Variants in CNTNAP2 observed in about 807,000 individuals in gnomAD.
CNTNAP2 encodes the protein contactin-associated protein-like 2.
In CNTNAP2, 98 loss-of-function variants were observed where a neutral mutation model predicts 155.2. The ratio of observed to expected loss-of-function variants is 0.63; its 90% CI spans 0.54 to 0.75. The LOEUF (loss-of-function observed/expected upper bound fraction) is 0.75, where lower values mean the gene tolerates loss of function less well. Ranked by LOEUF, CNTNAP2 falls within the 30% of genes least tolerant of loss-of-function variation. CNTNAP2 has a pLI of 0.00. For missense variants in CNTNAP2, 1,727 were observed against 1,688.1 expected (o/e 1.02, Z -0.40); for synonymous variants, 651 against 631.2 (o/e 1.03, Z -0.47).
chr7:146,239,919 T>A (rs1799532213), intron 1 of CNTNAP2, among the ~76,000 whole-genome samples: 1 of 152,182 alleles, frequency 6.6e-6, no homozygotes. Flanking sequence ...GGAAATAAAA[T>A]TTTAAAAACT....
At chr7:147,508,245 T>C (rs1584779368) in intron 11 of CNTNAP2, among the ~76,000 whole-genome samples, 2 of 152,094 alleles carry the variant, frequency 1.3e-5, no homozygotes, top group East Asian at 3.9e-4. Context: ...ATATTGAAAA[T>C]CAACTTATTC....
chr7:146,717,348 T>TAAA (rs35996896), intron 1 of CNTNAP2, among the ~76,000 whole-genome samples: 40 of 119,344 alleles, frequency 3.4e-4, no homozygotes, highest in African/African-American at 1.1e-3. Flanking sequence ...ACTAAAAAAT[T>TAAA]AAAAAAAAAA....
chr7:146,339,364 T>C (rs1801334665), intron 1 of CNTNAP2, among the ~76,000 whole-genome samples: 1 of 152,208 alleles, frequency 6.6e-6, no homozygotes, highest in Non-Finnish European at 1.5e-5. Flanking sequence ...TCCCTTCAAA[T>C]TTGATGAAAC....
chr7:147,463,739 A>G (rs1186343608), intron 10 of CNTNAP2, among the ~76,000 whole-genome samples: 1 of 152,168 alleles, frequency 6.6e-6, no homozygotes, highest in Non-Finnish European at 1.5e-5. Flanking sequence ...AGCTCAATTT[A>G]CAACAAACAT....
At chr7:147,330,841 A>T (rs1346747399) in intron 9 of CNTNAP2, among the ~76,000 whole-genome samples, 1 of 152,184 alleles carries the variant, frequency 6.6e-6, no homozygotes, top group East Asian at 1.9e-4. Flanking sequence ...TGATTATAAC[A>T]TCAAACTACG....
chr7:148,401,077 C>T (rs1016809760), intron 22 of CNTNAP2, among the ~76,000 whole-genome samples: 1 of 151,924 alleles, frequency 6.6e-6, no homozygotes, highest in African/African-American at 2.4e-5. Flanking sequence ...CTTTTTTTCC[C>T]GAATATTTTT....
chr7:147,334,709 T>C (rs567486950), intron 9 of CNTNAP2, among the ~76,000 whole-genome samples: 1 of 152,246 alleles, frequency 6.6e-6, no homozygotes, highest in Middle Eastern at 3.4e-3. Context: ...CTCTGCAGTG[T>C]GACTCCCTTA....
intron 3 of CNTNAP2, among the ~76,000 whole-genome samples, chr7:147,040,279 ACT>A (rs920336445): frequency 8.6e-5 from 13 of 152,032 alleles, no homozygotes; most frequent in African/African-American, 3.1e-4. Flanking sequence ...TACATAGAAG[ACT>A]CTCAAATATC....
At chr7:147,435,415 T>C (rs1797533978) in intron 10 of CNTNAP2, among the ~76,000 whole-genome samples, 1 of 152,164 alleles carries the variant, frequency 6.6e-6, no homozygotes, top group Non-Finnish European at 1.5e-5. Context: ...TTTCCCCGTC[T>C]TACATATAAC....
chr7:147,070,526 A>G (rs1468507720), intron 4 of CNTNAP2, among the ~76,000 whole-genome samples: 1 of 152,208 alleles, frequency 6.6e-6, no homozygotes, highest in East Asian at 1.9e-4. Context: ...GAGAGCTCAG[A>G]AGGACTGTTA....
chr7:147,140,955 G>T lies in CNTNAP2; in HGVS notation c.1348+8446G>T, dbSNP rs983149155. ...TGAGACTCCGGGGCCATCCAGATAT[G>T]CCTCTTATCTACTGCTAAGATTATG... On this transcript the variant is annotated intron_variant, in intron 8 of 23. Transcript: ENST00000361727. Among the ~76,000 whole-genome samples the T allele has an allele frequency of 2.0e-5, 3 of 152,040 alleles. No homozygotes were observed. In the East Asian group the frequency reaches 5.8e-4, roughly 30 times the overall value.
chr7:147,104,289 T>C (rs1800713615), intron 4 of CNTNAP2, among the ~76,000 whole-genome samples: 1 of 152,020 alleles, frequency 6.6e-6, no homozygotes, highest in Non-Finnish European at 1.5e-5. Flanking sequence ...GACATTTAAC[T>C]AATGGTACAT....
At chr7:148,018,293 T>C (rs1802214847) in intron 15 of CNTNAP2, among the ~76,000 whole-genome samples, 1 of 152,174 alleles carries the variant, frequency 6.6e-6, no homozygotes, top group Admixed American at 6.5e-5. Flanking sequence ...GGGCTGATAA[T>C]AGTAATGGTC....
intron 13 of CNTNAP2, among the ~76,000 whole-genome samples, chr7:147,793,108 T>C (rs945366624): frequency 6.6e-6 from 1 of 152,146 alleles, no homozygotes; most frequent in Admixed American, 6.5e-5. Context: ...AGGTATATGG[T>C]TTTCAAAAAA....
rs543122010 is a variant in CNTNAP2 at position 148,365,835 on chromosome 7, T to C, written c.3476-17814T>C. Among the ~76,000 whole-genome samples, 66 of 112,102 alleles carry C rather than the reference T, an allele frequency of 5.9e-4. 5 individuals carry two copies. The highest frequency in any genetic ancestry group is 8.1e-4 in the African/African-American group (21 of 26,022). 73.5% of individuals were successfully genotyped at this position (112,102 alleles called of 152,430 possible). On this transcript the variant is annotated intron_variant, in intron 21 of 23. Transcript: ENST00000361727. The stretch of plus-strand genomic sequence containing the variant: ...ATGTATACATGCATGTGTATGCATG[T>C]ATACATGCATGTGTATGCATGTATA...
intron 1 of CNTNAP2, among the ~76,000 whole-genome samples, chr7:146,598,335 G>T (rs1192076720): frequency 1.3e-5 from 2 of 152,078 alleles, no homozygotes; most frequent in East Asian, 1.9e-4. Flanking sequence ...ATAAAAAAAA[G>T]GAATCTCGAT....
intron 3 of CNTNAP2, chr7:146,915,747 A>G (rs1333073757): frequency 1.3e-5 from 2 of 152,214 alleles, no homozygotes; most frequent in East Asian, 3.9e-4. Context: ...TTTTCTAGGT[A>G]TAGAATTATA....
intron 10 of CNTNAP2, among the ~76,000 whole-genome samples, chr7:147,441,331 A>AT (rs1797632831): frequency 6.6e-6 from 1 of 152,092 alleles, no homozygotes; most frequent in South Asian, 2.1e-4. Context: ...TTGTTGTTAA[A>AT]TTTATCTGAT....
At chr7:146,550,473 A>G (rs1305350487) in intron 1 of CNTNAP2, among the ~76,000 whole-genome samples, 1 of 122,030 alleles carries the variant, frequency 8.2e-6, no homozygotes, top group Non-Finnish European at 1.6e-5. Context: ...TGCTTGGGAA[A>G]CTCTCCTCCG....
Sources: gnomAD v4.1 joint callset for allele counts (sites outside exome capture counted in the v4.1 genomes callset) on GRCh38, gnomAD v4.1.1 for gene constraint, MANE v1.5 for transcripts, NCBI Gene and HGNC (gene_info 2026-07-23, HGNC 2026-07-21) for gene names.